CNTNAP2: variants seen among roughly 807,000 people sequenced by gnomAD.
The protein encoded by CNTNAP2 is contactin-associated protein-like 2.
In CNTNAP2, 98 loss-of-function variants were observed where a neutral mutation model predicts 155.2. The ratio of observed to expected loss-of-function variants is 0.63; its 90% CI spans 0.54 to 0.75. The LOEUF (loss-of-function observed/expected upper bound fraction) is 0.75, where lower values mean the gene tolerates loss of function less well. Among genes scored for constraint, CNTNAP2 ranks in the 30% least tolerant of loss-of-function variants. The probability of loss-of-function intolerance (pLI) is 0.00; values close to 1 mark genes in which losing one functional copy is unlikely to be tolerated. For missense variants in CNTNAP2, 1,727 were observed against 1,688.1 expected (o/e 1.02, Z -0.40); for synonymous variants, 651 against 631.2 (o/e 1.03, Z -0.47).
intron 13 of CNTNAP2, among the ~76,000 whole-genome samples, chr7:147,874,462 A>T (rs919658068): frequency 1.3e-5 from 2 of 152,084 alleles, no homozygotes; most frequent in African/African-American, 4.8e-5. Context: ...GCCACGGCTC[A>T]AGCTGTACTT....
intron 8 of CNTNAP2, among the ~76,000 whole-genome samples, chr7:147,177,533 C>T (rs1470127994): frequency 6.6e-6 from 1 of 152,162 alleles, no homozygotes; most frequent in Non-Finnish European, 1.5e-5. Flanking sequence ...TGCTTCATAG[C>T]AGCATGAGAA....
chr7:147,099,515 G>A (rs1453581121), intron 4 of CNTNAP2, among the ~76,000 whole-genome samples: 1 of 152,098 alleles, frequency 6.6e-6, no homozygotes, highest in East Asian at 1.9e-4. Flanking sequence ...TACTCATAGG[G>A]ATAATTGATT....
At chr7:148,406,816 T>C (rs1799712910) in intron 22 of CNTNAP2, among the ~76,000 whole-genome samples, 1 of 152,164 alleles carries the variant, frequency 6.6e-6, no homozygotes, top group Non-Finnish European at 1.5e-5. Context: ...GTGCTTATGG[T>C]TTATGGGTAG....
intron 1 of CNTNAP2, among the ~76,000 whole-genome samples, chr7:146,561,141 C>T (rs903710521): frequency 2.0e-5 from 3 of 152,090 alleles, no homozygotes; most frequent in African/African-American, 7.2e-5. Flanking sequence ...CTTAAGAGTG[C>T]CTTCTACATT....
At chr7:148,243,630 T>C (rs898514080) in intron 20 of CNTNAP2, among the ~76,000 whole-genome samples, 1 of 151,982 alleles carries the variant, frequency 6.6e-6, no homozygotes, top group African/African-American at 2.4e-5. Flanking sequence ...GTGAGACTTA[T>C]TCACTATCAC....
chr7:146,873,689 C>G (rs1795363079), intron 3 of CNTNAP2, among the ~76,000 whole-genome samples: 1 of 151,992 alleles, frequency 6.6e-6, no homozygotes, highest in Non-Finnish European at 1.5e-5. Context: ...TTTCGGGGAA[C>G]TACAAGATGT....
intron 1 of CNTNAP2, among the ~76,000 whole-genome samples, chr7:146,521,799 G>T (rs1403906318): frequency 6.6e-6 from 1 of 151,904 alleles, no homozygotes; most frequent in Non-Finnish European, 1.5e-5. Context: ...TCTAAGATCT[G>T]AACCTTGATC....
chr7:147,408,668 G>C (rs1281703236), intron 10 of CNTNAP2, among the ~76,000 whole-genome samples: 2 of 152,218 alleles, frequency 1.3e-5, no homozygotes, highest in Non-Finnish European at 2.9e-5. Flanking sequence ...TGAGGCAGGA[G>C]AATGGTGTGA....
intron 22 of CNTNAP2, among the ~76,000 whole-genome samples, chr7:148,386,993 T>C (rs1799225537): frequency 6.6e-6 from 1 of 152,192 alleles, no homozygotes; most frequent in South Asian, 2.1e-4. Flanking sequence ...GCCTGAGTGA[T>C]CTCTGTATCT....
intron 1 of CNTNAP2, among the ~76,000 whole-genome samples, chr7:146,243,693 C>A (rs1799599048): frequency 6.6e-6 from 1 of 151,918 alleles, no homozygotes; most frequent in Non-Finnish European, 1.5e-5. Context: ...TGGTAAAATC[C>A]ATTAAATTCT....
At chr7:148,057,086 CT>C (rs1184320400) in intron 15 of CNTNAP2, among the ~76,000 whole-genome samples, 3 of 152,164 alleles carry the variant, frequency 2.0e-5, no homozygotes, top group African/African-American at 7.2e-5. Context: ...TGCAGTGAGG[CT>C]TGAGTGGTAT....
intron 1 of CNTNAP2, among the ~76,000 whole-genome samples, chr7:146,650,551 G>T (rs1386960785): frequency 6.6e-6 from 1 of 151,994 alleles, no homozygotes; most frequent in African/African-American, 2.4e-5. Flanking sequence ...TGCGGGGTGG[G>T]GGGCTAGGAG....
chr7:147,544,126 C>G (rs75705469), intron 11 of CNTNAP2, among the ~76,000 whole-genome samples: 1 of 152,042 alleles, frequency 6.6e-6, no homozygotes, highest in African/African-American at 2.4e-5. Context: ...AACCTATTAC[C>G]AAAGCCATCA....
chr7:146,511,345 A>G (rs1337311738), intron 1 of CNTNAP2, among the ~76,000 whole-genome samples: 2 of 152,206 alleles, frequency 1.3e-5, no homozygotes, highest in Non-Finnish European at 2.9e-5. Flanking sequence ...AAGTAGTGAA[A>G]GCGGTTAACC....
In CNTNAP2 at chr7:146,462,645, A is replaced by T. The variant is rs117277161; in HGVS notation, c.98-311626A>T. Reference sequence around the variant, plus strand: ...AAAGCCAGATATAATATAGCACACAAAATAGTATGTGTTCTGCAATATCAA... The same window carrying T: ...AAAGCCAGATATAATATAGCACACATAATAGTATGTGTTCTGCAATATCAA... On this transcript the variant is annotated intron_variant, in intron 1 of 23. Coordinates refer to ENST00000361727, the MANE Select transcript of CNTNAP2 (RefSeq NM_014141.6). Among the ~76,000 whole-genome samples the T allele has an allele frequency of 7.0e-4, 107 of 152,330 alleles. 1 individual carries two copies. In the East Asian group the frequency reaches 0.018, roughly 25 times the overall value.
chr7:146,135,596 G>A (rs1369657457), intron 1 of CNTNAP2, among the ~76,000 whole-genome samples: 2 of 152,058 alleles, frequency 1.3e-5, no homozygotes, highest in African/African-American at 4.8e-5. Context: ...ACATATGAGT[G>A]TGGTGCTTAA....
intron 12 of CNTNAP2, among the ~76,000 whole-genome samples, chr7:147,636,548 A>C (rs938327934): frequency 6.6e-6 from 1 of 152,130 alleles, no homozygotes; most frequent in Non-Finnish European, 1.5e-5. Flanking sequence ...CTAGGTTCTA[A>C]GCCCTGCATG....
chr7:148,093,418 T>A (rs1190883628), intron 15 of CNTNAP2, among the ~76,000 whole-genome samples: 2 of 152,248 alleles, frequency 1.3e-5, no homozygotes, highest in Middle Eastern at 6.3e-3. Flanking sequence ...ACGACTATTG[T>A]CATTCCCTAG....
intron 1 of CNTNAP2, among the ~76,000 whole-genome samples, chr7:146,173,716 C>A (rs559335199): frequency 6.6e-6 from 1 of 152,064 alleles, no homozygotes; most frequent in Non-Finnish European, 1.5e-5. Context: ...AAAAATTGCT[C>A]AGTACTGTAT....
Sources: allele counts gnomAD v4.1 joint callset (sites outside exome capture counted in the v4.1 genomes callset), GRCh38; gene constraint gnomAD v4.1.1; transcripts MANE v1.5; gene names NCBI Gene and HGNC (gene_info 2026-07-23, HGNC 2026-07-21).